HDAC9: variants seen among roughly 807,000 people sequenced by gnomAD.
HDAC9 encodes the protein histone deacetylase 9.
HDAC9 carries 41 observed loss-of-function variants against 139.4 expected under a neutral mutation model. The ratio of observed to expected loss-of-function variants is 0.29; its 90% CI spans 0.23 to 0.38. The LOEUF is 0.38. Among genes scored for constraint, HDAC9 ranks in the 10% least tolerant of loss-of-function variants. The probability of loss-of-function intolerance (pLI) is 1.00; values close to 1 mark genes in which losing one functional copy is unlikely to be tolerated. For missense variants in HDAC9, 1,147 were observed against 1,297.0 expected (o/e 0.88, Z 1.78); for synonymous variants, 517 against 476.2 (o/e 1.09, Z -1.12).
chr7:18,612,621 G>A (rs1837473205), intron 6 of HDAC9, among the ~76,000 whole-genome samples: 1 of 151,494 alleles, frequency 6.6e-6, no homozygotes, highest in South Asian at 2.1e-4. Context: ...GCAGGAAGAG[G>A]AATAAAATGT....
intron 1 of HDAC9, among the ~76,000 whole-genome samples, chr7:18,104,668 A>T (rs1783085192): frequency 6.6e-6 from 1 of 151,802 alleles, no homozygotes; most frequent in Non-Finnish European, 1.5e-5. Context: ...GGGATATCAT[A>T]CTCTCCAGTT....
At chr7:18,989,972 T>A (rs1326372837) in intron 25 of HDAC9, among the ~76,000 whole-genome samples, 1 of 151,830 alleles carries the variant, frequency 6.6e-6, no homozygotes, top group Non-Finnish European at 1.5e-5. Context: ...TTTTTCAAAG[T>A]TTTCAACTTC....
At chr7:18,271,198 G>A (rs950230935) in intron 2 of HDAC9, among the ~76,000 whole-genome samples, 1 of 152,188 alleles carries the variant, frequency 6.6e-6, no homozygotes, top group Non-Finnish European at 1.5e-5. Context: ...AAACATAGAT[G>A]TTGCAAGTGT....
intron 1 of HDAC9, among the ~76,000 whole-genome samples, chr7:18,120,578 G>A (rs943567697): frequency 2.0e-5 from 3 of 151,896 alleles, no homozygotes; most frequent in African/African-American, 7.3e-5. Context: ...TTTACCAGAA[G>A]TTTGTAGTAG....
Position 18,955,674 on chromosome 7 carries a change from CA to C in HDAC9, c.3022+1446del, listed in dbSNP as rs1050791578. ...AGCTAACAGTCCAATGAGTGAGAGA[CA>C]ACCAAGTAAATAATTGCAATACAGT... On this transcript the variant is annotated intron_variant, in intron 24 of 25. Transcript: ENST00000686413. 5.9e-5 allele frequency among the ~76,000 whole-genome samples: 9 copies of C among 152,208 alleles called. No homozygotes were observed. The South Asian group carries it at 8.3e-4, about 14-fold the overall frequency.
intron 2 of HDAC9, among the ~76,000 whole-genome samples, chr7:18,272,687 C>T (rs1796429476): frequency 6.6e-6 from 1 of 152,044 alleles, no homozygotes; most frequent in African/African-American, 2.4e-5. Flanking sequence ...TGGAGAAATA[C>T]TATTTTTATG....
intron 2 of HDAC9, among the ~76,000 whole-genome samples, chr7:18,569,100 C>A (rs1354670337): frequency 6.6e-6 from 1 of 151,870 alleles, no homozygotes; most frequent in Non-Finnish European, 1.5e-5. Context: ...TAGATTGATT[C>A]TCAGGAGTTC....
chr7:18,245,427 C>T (rs1794460857), intron 2 of HDAC9, among the ~76,000 whole-genome samples: 1 of 152,178 alleles, frequency 6.6e-6, no homozygotes, highest in African/African-American at 2.4e-5. Flanking sequence ...TCTCCTCCAT[C>T]TTCAAACAAA....
At chr7:18,493,062 T>C (rs1017629022), upstream of HDAC9, among the ~76,000 whole-genome samples, 3 of 151,944 alleles carry the variant, frequency 2.0e-5, no homozygotes, top group Non-Finnish European at 2.9e-5. Context: ...ATTTACAGTA[T>C]TTTATGTGGA....
At chr7:18,826,019 A>T (rs1795405208) in intron 17 of HDAC9, among the ~76,000 whole-genome samples, 1 of 151,988 alleles carries the variant, frequency 6.6e-6, no homozygotes, top group Non-Finnish European at 1.5e-5. Flanking sequence ...GAAAAGTTTT[A>T]TAAGGGATGG....
At chr7:18,760,889 C>T (rs1173581052) in intron 14 of HDAC9, among the ~76,000 whole-genome samples, 3 of 152,200 alleles carry the variant, frequency 2.0e-5, no homozygotes, top group Non-Finnish European at 2.9e-5. Flanking sequence ...AGTCTGGCAG[C>T]AGCTGCATCA....
At chr7:18,276,772 A>G (rs1026762460) in intron 2 of HDAC9, among the ~76,000 whole-genome samples, 18 of 152,336 alleles carry the variant, frequency 1.2e-4, no homozygotes, top group African/African-American at 4.3e-4. Flanking sequence ...CAAATATAAA[A>G]CTAGAAATAA....
intron 1 of HDAC9, among the ~76,000 whole-genome samples, chr7:18,309,498 T>G (rs182200978): frequency 6.6e-6 from 1 of 152,308 alleles, no homozygotes; most frequent in Non-Finnish European, 1.5e-5. Context: ...GTAGCCTCAC[T>G]GTTCCCCAAA....
At position 18,829,474 on chromosome 7, in the gene HDAC9, T is replaced by A. The variant is rs1435128341; in HGVS notation, c.2392T>A (p.Phe798Ile). 6.2e-7 allele frequency: 1 copy of A among 1,611,038 alleles called. No individual in the cohort carries two copies. Among genetic ancestry groups the A allele is most frequent in the South Asian group, 1.1e-5 (1 of 90,918 alleles). Residue 798 changes from phenylalanine (F) to isoleucine (I), a missense_variant, in exon 19 of 26, where the codon TTT (phenylalanine) becomes ATT (isoleucine). Around this residue, in one of 7 missense-constraint regions of HDAC9, gnomAD observed 407 missense variants for 521.5 expected, o/e 0.78. Transcript: ENST00000686413. ...EESTAMGFCFFNSVAITAKYL... is the reference protein window; with the variant it reads ...EESTAMGFCFINSVAITAKYL... ...TCTATTCCGCAGGGGGTTCTGCTTT[T>A]TTAATTCAGTTGCAATTACCGCCAA...
intron 13 of HDAC9, among the ~76,000 whole-genome samples, chr7:18,732,058 G>A (rs1452810199): frequency 2.6e-5 from 4 of 151,402 alleles, no homozygotes; most frequent in Admixed American, 2.6e-4. Flanking sequence ...CGGGATTTCT[G>A]TATGTTGGTC....
chr7:18,448,660 A>C (rs182469926), intron 1 of HDAC9, among the ~76,000 whole-genome samples: 37 of 152,142 alleles, frequency 2.4e-4, no homozygotes, highest in Non-Finnish European at 4.6e-4. Flanking sequence ...TCAATTTCCT[A>C]TTCATTTCTG....
chr7:18,270,523 G>A (rs150460797), intron 2 of HDAC9, among the ~76,000 whole-genome samples: 71 of 152,104 alleles, frequency 4.7e-4, no homozygotes, highest in African/African-American at 1.4e-3. Context: ...TTCTTTTGTG[G>A]GATACTACCT....
At position 18,754,455 on chromosome 7, in the gene HDAC9, C is replaced by G. The variant is rs534695094; in HGVS notation, c.2043+5317C>G. ...AAATGCTCATGACTCCCAGCCCCAC[C>G]AAGCCACCCACAGACATTTGCTTGC... On this transcript the variant is annotated intron_variant, in intron 14 of 25. Coordinates refer to ENST00000686413, the MANE Select transcript of HDAC9 (RefSeq NM_178425.4). Among the ~76,000 whole-genome samples the G allele has an allele frequency of 1.2e-4, 19 of 152,210 alleles. No homozygotes were observed. The South Asian group carries it at 3.9e-3, about 32-fold the overall frequency.
At chr7:18,788,599 A>G (rs892580943) in intron 16 of HDAC9, among the ~76,000 whole-genome samples, 3 of 152,018 alleles carry the variant, frequency 2.0e-5, no homozygotes, top group Non-Finnish European at 4.4e-5. Context: ...TACTAAAAAT[A>G]CAAAAATTAA....
Sources: gnomAD v4.1 joint callset for allele counts (sites outside exome capture counted in the v4.1 genomes callset) on GRCh38, gnomAD v4.1.1 for gene constraint, gnomAD v4.1.1 regional missense constraint, MANE v1.5 for transcripts, NCBI Gene and HGNC (gene_info 2026-07-23, HGNC 2026-07-21) for gene names.